The following GCFC2 variants were observed in gnomAD, a reference collection of about 807,000 sequenced individuals.
GCFC2 encodes the protein GC-rich sequence DNA-binding factor 2.
A neutral mutation model predicts 99.4 loss-of-function variants in GCFC2; 102 were observed. The observed-to-expected ratio is 1.03, with a 90% confidence interval of 0.87 to 1.21. The LOEUF (loss-of-function observed/expected upper bound fraction) is 1.21. Among genes scored for constraint, GCFC2 ranks in the 50% most tolerant of loss-of-function variants. The pLI is 0.00. For missense variants in GCFC2, 973 were observed against 920.9 expected (o/e 1.06, Z -0.73); for synonymous variants, 338 against 316.8 (o/e 1.07, Z -0.71).
At chr2:75,667,770 A>G (rs1678912922) in intron 15 of GCFC2, among the ~76,000 whole-genome samples, 1 of 152,216 alleles carries the variant, frequency 6.6e-6, no homozygotes, top group African/African-American at 2.4e-5. Flanking sequence ...TGCTGTGGAA[A>G]GAATGCTGTG....
At chr2:75,675,549 C>A (rs554817767) in intron 12 of GCFC2, among the ~76,000 whole-genome samples, 4 of 152,072 alleles carry the variant, frequency 2.6e-5, no homozygotes, top group Admixed American at 2.0e-4. Flanking sequence ...TTGAGACCAG[C>A]CTGGCCAACA....
Position 75,694,442 on chromosome 2 carries a change from T to A in GCFC2, c.834-15A>T. ...GTAATGTTAATCTAAATAAATAAAATAAAAATTAGTTTATTTTTCATACTC... is the reference window on the plus strand; with the variant it reads ...GTAATGTTAATCTAAATAAATAAAAAAAAAATTAGTTTATTTTTCATACTC... On this transcript the variant is annotated splice_polypyrimidine_tract_variant and intron_variant, in intron 5 of 16. Transcript: ENST00000321027. 9.1e-7 allele frequency: 1 copy of A among 1,094,388 alleles called. No homozygotes were observed. Among genetic ancestry groups the A allele is most frequent in the Non-Finnish European group, 1.3e-6 (1 of 792,796 alleles). 67.8% of individuals were successfully genotyped at this position (1,094,388 alleles called of 1,614,324 possible).
In GCFC2 at chr2:75,710,820, G is replaced by A; in HGVS notation, c.36C>T (p.Arg12=). 5.1e-6 allele frequency: 8 copies of A among 1,577,488 alleles called. No homozygotes were observed. The highest frequency in any genetic ancestry group is 6.0e-6 in the Non-Finnish European group (7 of 1,169,238). ...AHRPKRTFRQ[R]AADSSDSDGA... The stretch of plus-strand genomic sequence containing the variant: ...CATCGCTGTCGCTGGAATCAGCCGC[G>A]CGCTGCCGAAAAGTCCTTTTCGGCC... The change falls in exon 1 of 17, where the codon CGC becomes CGT. Residue 12 remains arginine, a synonymous_variant. Coordinates refer to ENST00000321027, the MANE Select transcript of GCFC2 (RefSeq NM_003203.5).
In GCFC2 at chr2:75,706,511, CA is replaced by C. The variant is rs755576796; in HGVS notation, c.394+11del. 1.3e-6 allele frequency: 2 copies of C among 1,544,228 alleles called. No homozygotes were observed. The highest frequency in any genetic ancestry group is 3.8e-5 in the Admixed American group (2 of 52,864). On this transcript the variant is annotated intron_variant, in intron 2 of 16. Transcript: ENST00000321027. ...AATAAAATTCTTAACCAAAATCATACAAATTACTAACCTGTTGATGAAAGTT... is the reference window on the plus strand; with the variant it reads ...AATAAAATTCTTAACCAAAATCATACAATTACTAACCTGTTGATGAAAGTT...
Position 75,702,416 on chromosome 2 carries a change from G to T in GCFC2, c.402C>A (p.Ile134=), listed in dbSNP as rs777915978. The T allele has an allele frequency of 1.1e-5, 17 of 1,612,054 alleles. No individual in the cohort carries two copies. The highest frequency in any genetic ancestry group is 1.4e-5 in the Non-Finnish European group (16 of 1,178,610). ...GEKELSSTVK[I]PDAAFIQAAR... ...CTGCCTGAATAAAAGCTGCATCTGG[G>T]ATCTTAACTGAAGGAAACAAAGACG... Residue 134 remains isoleucine (I), a synonymous_variant, in exon 3 of 17, where the codon ATC becomes ATA. Transcript: ENST00000321027.
intron 4 of GCFC2, among the ~76,000 whole-genome samples, chr2:75,700,467 C>T (rs574000599): frequency 1.3e-5 from 2 of 151,548 alleles, no homozygotes; most frequent in African/African-American, 2.4e-5. Flanking sequence ...AAGGTGTAGT[C>T]GAAGTAGATA....
intron 3 of GCFC2, among the ~76,000 whole-genome samples, chr2:75,701,547 C>A (rs529851099): frequency 1.3e-4 from 20 of 152,306 alleles, no homozygotes; most frequent in Middle Eastern, 3.4e-3. Context: ...ATAACCTGCA[C>A]TCCTATCACT....
chr2:75,702,158 A>G lies in GCFC2; in HGVS notation c.619+41T>C, dbSNP rs749147369. 4 of 1,575,290 alleles carry G rather than the reference A, an allele frequency of 2.5e-6. No individual in the cohort carries two copies. The East Asian group carries it at 9.0e-5, about 35-fold the overall frequency. ...GGAGATTCTCTCATATTATATTCTA[A>G]TAAAAAATATCCTAATCTTCATATA... On this transcript the variant is annotated intron_variant, in intron 3 of 16. Coordinates refer to ENST00000321027, the MANE Select transcript of GCFC2 (RefSeq NM_003203.5).
At chr2:75,688,039 GTTA>G (rs1454626218) in intron 10 of GCFC2, 62 bp from the exon 11 acceptor site, 2 of 1,032,194 alleles carry the variant, frequency 1.9e-6, no homozygotes, top group East Asian at 2.6e-5. Context: ...TTTTTAAATA[GTTA>G]TTATTTTTTT....
intron 14 of GCFC2, 82 bp from the exon 15 acceptor site, chr2:75,670,366 C>A: frequency 1.1e-6 from 1 of 947,190 alleles, no homozygotes; most frequent in South Asian, 1.5e-5. Flanking sequence ...AAGAGTTGGT[C>A]AAACTAAAAT....
At chr2:75,683,880 G>T (rs980768432) in intron 11 of GCFC2, among the ~76,000 whole-genome samples, 2 of 151,966 alleles carry the variant, frequency 1.3e-5, no homozygotes, top group Non-Finnish European at 2.9e-5. Flanking sequence ...ACAAAGAAGG[G>T]TATTACATAA....
intron 4 of GCFC2, among the ~76,000 whole-genome samples, chr2:75,700,756 A>G (rs183475856): frequency 2.0e-5 from 3 of 152,302 alleles, no homozygotes; most frequent in Admixed American, 2.0e-4. Flanking sequence ...CAAAAGATAC[A>G]TCCATGACAT....
chr2:75,694,274 A>C lies in GCFC2; in HGVS notation c.987T>G (p.Tyr329Ter). ...TAAGGCAGTCAATTAAATTTTCCAC[A>C]TAAATTTTCATGCTTTTATAGAATT... ...NCKFYKSMKI[Y>*]VENLIDCLNE... The change falls in exon 6 of 17, where the codon TAT becomes TAG. Residue 329 changes from tyrosine (Y) to a stop codon, truncating the protein, a stop_gained. Coordinates refer to ENST00000321027, the MANE Select transcript of GCFC2 (RefSeq NM_003203.5). LOFTEE classifies it high-confidence loss of function. The C allele has an allele frequency of 1.8e-6, 2 of 1,112,014 alleles. No individual in the cohort carries two copies. The highest frequency in any genetic ancestry group is 2.7e-6 in the Non-Finnish European group (2 of 750,766). 68.9% of individuals were successfully genotyped at this position (1,112,014 alleles called of 1,614,324 possible). A position where few individuals can be genotyped will look rare whatever the true frequency, so the allele number is the denominator to read the frequency against.
intron 11 of GCFC2, among the ~76,000 whole-genome samples, chr2:75,684,174 A>T (rs1679712869): frequency 6.6e-6 from 1 of 152,216 alleles, no homozygotes; most frequent in African/African-American, 2.4e-5. Context: ...GACAGAATAT[A>T]CATTTTTCTT....
intron 4 of GCFC2, among the ~76,000 whole-genome samples, chr2:75,700,678 G>T (rs572481844): frequency 1.3e-5 from 2 of 152,162 alleles, no homozygotes; most frequent in Non-Finnish European, 2.9e-5. Context: ...CCCTCAAGTG[G>T]AAGGTATTTA....
At chr2:75,680,153 A>G in intron 12 of GCFC2, 40 bp downstream of exon 12, 3 of 1,430,822 alleles carry the variant, frequency 2.1e-6, no homozygotes, top group Non-Finnish European at 2.9e-6. Context: ...ATAATGATTT[A>G]GAGATAGATC....
At position 75,687,036 on chromosome 2, in the gene GCFC2, G is replaced by A. The variant is rs181528732; in HGVS notation, c.1690+791C>T. 3.4e-3 allele frequency among the ~76,000 whole-genome samples: 518 copies of A among 151,974 alleles called. 5 individuals carry two copies. Among genetic ancestry groups the A allele is most frequent in the African/African-American group, 0.012 (486 of 41,408 alleles). On this transcript the variant is annotated intron_variant, in intron 11 of 16. Coordinates refer to ENST00000321027, the MANE Select transcript of GCFC2 (RefSeq NM_003203.5). ...CGCAACCTTCGCCTCCCAGGTTTAA[G>A]CAATTCTCCTGCCTCAGCCTCCTGA...
intron 8 of GCFC2, chr2:75,690,359 C>T (rs532979374): frequency 2.6e-5 from 13 of 495,654 alleles, no homozygotes; most frequent in East Asian, 2.2e-4. Context: ...AACCAGATTC[C>T]GAAGAGGGGG....
At position 75,680,260 on chromosome 2, in the gene GCFC2, A is replaced by C; in HGVS notation, c.1745T>G (p.Ile582Arg). 6.2e-7 allele frequency: 1 copy of C among 1,606,780 alleles called. No homozygotes were observed. Residue 582 changes from isoleucine to arginine, a missense_variant, in exon 12 of 17, where the codon ATA becomes AGA. Physicochemically the swap from Ile to Arg is moderately conservative, Grantham distance 97. Transcript: ENST00000321027. ...PLSTSQTTSL[I>R]THCRVILEEH... is the part of the protein sequence containing the mutation. ...TTCAAGAATCACTCTGCAATGTGTT[A>C]TTAAACTTGTTGTCTGTGAGGTTGA...
Sources: allele counts gnomAD v4.1 joint callset (sites outside exome capture counted in the v4.1 genomes callset), GRCh38; gene constraint gnomAD v4.1.1; transcripts MANE v1.5; gene names NCBI Gene and HGNC (gene_info 2026-07-23, HGNC 2026-07-21).